The following APLP1 variants were observed in gnomAD, a reference collection of about 807,000 sequenced individuals.
APLP1 encodes the protein amyloid beta precursor like protein 1.
Under a neutral mutation model 84.5 loss-of-function variants are expected in APLP1, and 46 were observed. That is an observed-to-expected ratio of 0.54 (90% CI 0.43 to 0.70). APLP1 has a LOEUF of 0.70. APLP1 is among the 30% of genes least tolerant of loss of function. APLP1 has a pLI of 0.00. For missense variants in APLP1, 826 were observed against 900.2 expected (o/e 0.92, Z 1.05); for synonymous variants, 376 against 364.0 (o/e 1.03, Z -0.38).
chr19:35,869,563 G>A, intron 1 of APLP1, 104 bp from the exon 2 acceptor site: 1 of 1,458,842 alleles, frequency 6.9e-7, no homozygotes, highest in Non-Finnish European at 9.4e-7. Context: ...GGTGCTTGGG[G>A]GAGGGGGCTG....
At chr19:35,875,244 T>C (rs1414717768) in intron 10 of APLP1, among the ~76,000 whole-genome samples, 1 of 147,004 alleles carries the variant, frequency 6.8e-6, no homozygotes, top group African/African-American at 2.5e-5. Flanking sequence ...TCATTGCAAC[T>C]TCCACCTCCT....
Position 35,874,640 on chromosome 19 carries a change from C to T in APLP1, c.1193C>T (p.Ala398Val). 6.2e-7 allele frequency: 1 copy of T among 1,613,600 alleles called. No homozygotes were observed. Among genetic ancestry groups the T allele is most frequent in the Non-Finnish European group, 8.5e-7 (1 of 1,179,994 alleles). ...RRAALEGFLA[A>V]LQADPPQAER... ...GCTGCCTTGGAGGGCTTCCTGGCAG[C>T]CCTGCAGGCAGATCCGCCTCAGGTG... is the stretch of plus-strand genomic sequence containing the variant. The change falls in exon 9 of 17, where the codon GCC becomes GTC. Residue 398 changes from alanine to valine, a missense_variant. By Grantham distance (64) the Ala-to-Val change is moderately conservative. Coordinates refer to ENST00000221891, the MANE Select transcript of APLP1 (RefSeq NM_001024807.3). This position sits in a 1 kb window ranked among gnomAD's most constrained non-coding sequence, Gnocchi z 6.4.
chr19:35,874,345 C>G lies in APLP1; in HGVS notation c.1057-159C>G, dbSNP rs576914699. On this transcript the variant is annotated intron_variant, in intron 8 of 16. Coordinates refer to ENST00000221891, the MANE Select transcript of APLP1 (RefSeq NM_001024807.3). The surrounding 1 kb of genome is among the most constrained non-coding windows in gnomAD (Gnocchi z 6.4). Reference sequence around the variant, plus strand: ...AGTCCCACCTCCACTCTGCCTGGCCCTGTAGCCCACCCCTTCCAGTCCATA... The same window carrying G: ...AGTCCCACCTCCACTCTGCCTGGCCGTGTAGCCCACCCCTTCCAGTCCATA... 2.0e-5 allele frequency among the ~76,000 whole-genome samples: 3 copies of G among 152,204 alleles called. No homozygotes were observed. Among genetic ancestry groups the G allele is most frequent in the Admixed American group, 2.0e-4 (3 of 15,286 alleles).
Position 35,871,688 on chromosome 19 carries a change from T to C in APLP1, c.614T>C (p.Val205Ala), listed in dbSNP as rs1222667922. 1 of 1,613,982 alleles carries C rather than the reference T, an allele frequency of 6.2e-7. No individual in the cohort carries two copies. Among genetic ancestry groups the C allele is most frequent in the Admixed American group, 1.7e-5 (1 of 60,008 alleles). Residue 205 changes from valine to alanine, a missense_variant, in exon 5 of 17, where the codon GTG (valine) becomes GCG (alanine). Around this residue, in one of 3 missense-constraint regions of APLP1, gnomAD observed 383 missense variants for 378.3 expected, o/e 1.01. Transcript: ENST00000221891. ...TGTGGCTCGGATCGGTTCCGTGGTG[T>C]GGAGTATGTGTGCTGTCCCCCTCCA... ...LPCGSDRFRG[V>A]EYVCCPPPGT... is the part of the protein sequence containing the mutation.
chr19:35,869,805 A>C lies in APLP1; in HGVS notation c.286A>C (p.Arg96=). 1 of 1,595,576 alleles carries C rather than the reference A, an allele frequency of 6.3e-7. No homozygotes were observed. The highest frequency in any genetic ancestry group is 8.5e-7 in the Non-Finnish European group (1 of 1,172,484). ...RDPQRVLEYC[R]QMYPELQIAR... Reference sequence around the variant, plus strand: ...CCCGCAGCGCGTGCTGGAGTACTGCAGACAGGTGGGCGGGGCCGAACGGGA... The same window carrying C: ...CCCGCAGCGCGTGCTGGAGTACTGCCGACAGGTGGGCGGGGCCGAACGGGA... Residue 96 remains arginine, a synonymous_variant, in exon 2 of 17, where the codon AGA becomes CGA. Transcript: ENST00000221891.
intron 10 of APLP1, among the ~76,000 whole-genome samples, chr19:35,875,774 A>G (rs753480022): frequency 1.4e-5 from 2 of 143,954 alleles, no homozygotes; most frequent in African/African-American, 2.6e-5. Flanking sequence ...AACCCCAATA[A>G]CTTTTGCACC....
Position 35,874,863 on chromosome 19 carries a change from C to T in APLP1, c.1338C>T (p.Arg446=), listed in dbSNP as rs1484288569. Residue 446 remains arginine (R), a synonymous_variant, in exon 10 of 17, where the codon CGC becomes CGT. Transcript: ENST00000221891. This position sits in a 1 kb window ranked among gnomAD's most constrained non-coding sequence, Gnocchi z 6.4. ...AVDPEKAQQM[R]FQVHTHLQVI... Reference sequence around the variant, plus strand: ...ATCCCGAGAAGGCACAGCAGATGCGCTTCCAGGTGCTCACATCCTTCCAGC... The same window carrying T: ...ATCCCGAGAAGGCACAGCAGATGCGTTTCCAGGTGCTCACATCCTTCCAGC... The T allele has an allele frequency of 6.2e-7, 1 of 1,607,908 alleles. No homozygotes were observed. The highest frequency in any genetic ancestry group is 2.2e-5 in the East Asian group (1 of 44,880).
Position 35,874,801 on chromosome 19 carries a change from C to T in APLP1, c.1276C>T (p.His426Tyr). 1 of 1,613,006 alleles carries T rather than the reference C, an allele frequency of 6.2e-7. No individual in the cohort carries two copies. Among genetic ancestry groups the T allele is most frequent in the Non-Finnish European group, 8.5e-7 (1 of 1,180,002 alleles). Residue 426 changes from histidine to tyrosine, a missense_variant, in exon 10 of 17, where the codon CAC (histidine) becomes TAC (tyrosine). By Grantham distance (83) the His-to-Tyr change is moderately conservative (BLOSUM62 2). Coordinates refer to ENST00000221891, the MANE Select transcript of APLP1 (RefSeq NM_001024807.3). The surrounding 1 kb of genome is among the most constrained non-coding windows in gnomAD (Gnocchi z 6.4). ...YLRAEQKEQRHTLRHYQHVAA... is the reference protein window; with the variant it reads ...YLRAEQKEQRYTLRHYQHVAA... ...GCGTGCGGAGCAGAAGGAACAGAGG[C>T]ACACGCTGCGCCACTACCAGCATGT...
In APLP1 at chr19:35,871,224, C is replaced by G. The variant is rs374811167; in HGVS notation, c.425-13C>G. The G allele has an allele frequency of 6.8e-6, 11 of 1,610,618 alleles. No individual in the cohort carries two copies. Among genetic ancestry groups the G allele is most frequent in the East Asian group, 2.2e-5 (1 of 44,746 alleles). The stretch of plus-strand genomic sequence containing the variant: ...ATAGGAGGATCTCACCCTGGTGTCC[C>G]GTGCTTCCCCAGCTGGTGAATTTGT... On this transcript the variant is annotated splice_polypyrimidine_tract_variant and intron_variant, in intron 3 of 16. Transcript: ENST00000221891.
At position 35,879,747 on chromosome 19, in the gene APLP1, C is replaced by A. The variant is rs1218108160; in HGVS notation, c.*306C>A. 1.4e-5 allele frequency: 5 copies of A among 354,420 alleles called. No individual in the cohort carries two copies. The highest frequency in any genetic ancestry group is 2.1e-5 in the African/African-American group (1 of 46,830). The allele number at this position is 354,420 out of a possible 1,614,324, so 22.0% of individuals were successfully genotyped here. On this transcript the variant is annotated 3_prime_UTR_variant, in exon 17 of 17. Transcript: ENST00000221891. ...GTGTCTATTCCCTGGAATTCACCCT[C>A]TCATGTTTCCCTACTAACATCCCAA...
At chr19:35,878,161 C>T in intron 13 of APLP1, 53 bp downstream of exon 13, 1 of 1,580,652 alleles carries the variant, frequency 6.3e-7, no homozygotes, top group South Asian at 1.1e-5. Flanking sequence ...ATCCCTGAAC[C>T]CAGAAGGAAA....
chr19:35,869,703 C>A lies in APLP1; in HGVS notation c.184C>A (p.Arg62Ser). 1 of 1,611,942 alleles carries A rather than the reference C, an allele frequency of 6.2e-7. No homozygotes were observed. Among genetic ancestry groups the A allele is most frequent in the Non-Finnish European group, 8.5e-7 (1 of 1,179,476 alleles). Reference protein sequence around the residue: ...GSAQVAGLCGRLTLHRDLRTG... With the variant: ...GSAQVAGLCGSLTLHRDLRTG... ...GGCCCAGGTGGCTGGACTATGCGGG[C>A]GCCTAACCCTTCACCGGGACCTGCG... Residue 62 changes from arginine (R) to serine (S), a missense_variant, in exon 2 of 17, where the codon CGC becomes AGC. Transcript: ENST00000221891.
intron 1 of APLP1, 103 bp from the exon 2 acceptor site, chr19:35,869,564 G>A (rs1275800837): frequency 6.2e-6 from 9 of 1,462,192 alleles, no homozygotes; most frequent in Non-Finnish European, 8.4e-6. Context: ...GTGCTTGGGG[G>A]AGGGGGCTGG....
intron 12 of APLP1, 113 bp downstream of exon 12, chr19:35,877,938 T>A: frequency 7.8e-7 from 1 of 1,285,942 alleles, no homozygotes; most frequent in East Asian, 2.4e-5. Flanking sequence ...TGGGAGAGGA[T>A]GAGGAGGAAC....
In APLP1 at chr19:35,872,660, T is replaced by C. The variant is rs560484570; in HGVS notation, c.981+47T>C. ...GGACCCCCTACAGTACAGAGCTCCC[T>C]AAATACCAGGAAATTCCTCCAGGAC... On this transcript the variant is annotated intron_variant, in intron 7 of 16. Transcript: ENST00000221891. The C allele has an allele frequency of 2.1e-5, 33 of 1,568,360 alleles. No individual in the cohort carries two copies. The African/African-American group carries it at 3.2e-4, about 15-fold the overall frequency.
chr19:35,872,556 G>A lies in APLP1; in HGVS notation c.924G>A (p.Glu308=). 6.2e-7 allele frequency: 1 copy of A among 1,613,902 alleles called. No homozygotes were observed. Among genetic ancestry groups the A allele is most frequent in the African/African-American group, 1.3e-5 (1 of 75,010 alleles). The stretch of plus-strand genomic sequence containing the variant: ...TGCCTGGGGAAATCAGTGAGCACGA[G>A]GGGTTCCTGAGGGCCAAGATGGACC... ...FGMPGEISEH[E]GFLRAKMDLE... The change falls in exon 7 of 17, where the codon GAG becomes GAA. Residue 308 remains glutamate, a synonymous_variant. Coordinates refer to ENST00000221891, the MANE Select transcript of APLP1 (RefSeq NM_001024807.3).
Position 35,878,443 on chromosome 19 carries a change from G to A in APLP1, c.1580-141G>A. 3 of 816,752 alleles carry A rather than the reference G, an allele frequency of 3.7e-6. No homozygotes were observed. In the South Asian group the frequency reaches 4.7e-5, roughly 13 times the overall value. 50.6% of individuals were successfully genotyped at this position (816,752 alleles called of 1,614,324 possible). A position where few individuals can be genotyped will look rare whatever the true frequency, so the allele number is the denominator to read the frequency against. ...TGTCTGTAGTCCCAGCTGCTCAGGA[G>A]GCTGACGTAGAAGGATCACTGGAGC... is the stretch of plus-strand genomic sequence containing the variant. On this transcript the variant is annotated intron_variant, in intron 13 of 16. Coordinates refer to ENST00000221891, the MANE Select transcript of APLP1 (RefSeq NM_001024807.3).
chr19:35,871,483 C>A, intron 4 of APLP1, 129 bp from the exon 5 acceptor site: 1 of 1,400,840 alleles, frequency 7.1e-7, no homozygotes, highest in Non-Finnish European at 9.9e-7. Flanking sequence ...AATTTCATCC[C>A]CCAACCCCTT....
chr19:35,869,676 T>A lies in APLP1; in HGVS notation c.157T>A (p.Ser53Thr). Reference sequence around the variant, plus strand: ...TTCCACTTCCATCCAGGCCCCGGGGTCGGCCCAGGTGGCTGGACTATGCGG... The same window carrying A: ...TTCCACTTCCATCCAGGCCCCGGGGACGGCCCAGGTGGCTGGACTATGCGG... ...GSPGAAEAPGSAQVAGLCGRL... is the reference protein window; with the variant it reads ...GSPGAAEAPGTAQVAGLCGRL... The change falls in exon 2 of 17, where the codon TCG (serine) becomes ACG (threonine). Residue 53 changes from serine to threonine, a missense_variant. Around this residue, in one of 3 missense-constraint regions of APLP1, gnomAD observed 383 missense variants for 378.3 expected, o/e 1.01. Coordinates refer to ENST00000221891, the MANE Select transcript of APLP1 (RefSeq NM_001024807.3). 1 of 1,607,946 alleles carries A rather than the reference T, an allele frequency of 6.2e-7. No homozygotes were observed. The highest frequency in any genetic ancestry group is 2.2e-5 in the East Asian group (1 of 44,728).
Sources: allele counts gnomAD v4.1 joint callset (sites outside exome capture counted in the v4.1 genomes callset), GRCh38; gene constraint gnomAD v4.1.1; regional missense constraint gnomAD v4.1.1; non-coding constraint Gnocchi (gnomAD v3.1); transcripts MANE v1.5; gene names NCBI Gene and HGNC (gene_info 2026-07-23, HGNC 2026-07-21).